Variants in CILP2 observed in about 807,000 individuals in gnomAD.
The protein encoded by CILP2 is cartilage intermediate layer protein 2, also known as CILP-2.
In CILP2, 38 loss-of-function variants were observed where a neutral mutation model predicts 45.6. That is an observed-to-expected ratio of 0.83 (90% CI 0.64 to 1.09). The LOEUF is 1.09. CILP2 is among the 50% of genes least tolerant of loss of function. CILP2 has a pLI of 0.00. For synonymous variants in CILP2, 780 were observed against 723.5 expected, an observed-to-expected ratio of 1.08 and a Z score of -1.25; for missense variants, 1,735 against 1,662.2, an observed-to-expected ratio of 1.04 and a Z score of -0.76.
At position 19,545,266 on chromosome 19, in the gene CILP2, C is replaced by A. The variant is rs750590089; in HGVS notation, c.2721C>A (p.Tyr907Ter). The change falls in exon 8 of 8, where the codon TAC (tyrosine) becomes TAA (stop). Residue 907 changes from tyrosine (Y) to a stop codon, truncating the protein, a stop_gained. Transcript: ENST00000291495. LOFTEE classifies it low-confidence loss of function (END_TRUNC). Reference protein sequence around the residue: ...FRFARVEADKYEYNVVPFREG... With the variant: ...FRFARVEADK Reference sequence around the variant, plus strand: ...TCGCCAGGGTGGAGGCGGACAAGTACGAGTACAACGTGGTCCCCTTCCGAG... The same window carrying A: ...TCGCCAGGGTGGAGGCGGACAAGTAAGAGTACAACGTGGTCCCCTTCCGAG... The A allele has an allele frequency of 1.3e-5, 21 of 1,612,606 alleles. No homozygotes were observed. Among genetic ancestry groups the A allele is most frequent in the Non-Finnish European group, 1.8e-5 (21 of 1,179,776 alleles).
rs1384784877 is a variant in CILP2, at chr19:19,545,431, C to T, written c.2886C>T (p.His962=). Residue 962 remains histidine (H), a synonymous_variant, in exon 8 of 8, where the codon CAC becomes CAT. Transcript: ENST00000291495. ...GCTCCCACAACGCAGGGGGCAGCCACCCACGCACCCGCGGCCAGCTCTACG... is the reference window on the plus strand; with the variant it reads ...GCTCCCACAACGCAGGGGGCAGCCATCCACGCACCCGCGGCCAGCTCTACG... ...MVRSHNAGGS[H]PRTRGQLYGL... 4 of 1,612,496 alleles carry T rather than the reference C, an allele frequency of 2.5e-6. No homozygotes were observed. The highest frequency in any genetic ancestry group is 3.4e-6 in the Non-Finnish European group (4 of 1,179,730).
At position 19,541,087 on chromosome 19, in the gene CILP2, G is replaced by T. The variant is rs775590619; in HGVS notation, c.437-4G>T. 1.7e-5 allele frequency: 21 copies of T among 1,261,442 alleles called. No individual in the cohort carries two copies. Among genetic ancestry groups the T allele is most frequent in the Non-Finnish European group, 2.0e-5 (20 of 1,003,150 alleles). The allele number at this position is 1,261,442 out of a possible 1,614,324, so 78.1% of individuals were successfully genotyped here. ...CACCTGATCTCCGTCCCTGCCTTCC[G>T]CAGAAGCCTCGTGGGGCGCGTGGGG... On this transcript the variant is annotated splice_region_variant and splice_polypyrimidine_tract_variant and intron_variant, in intron 3 of 7. Transcript: ENST00000291495.
intron 1 of CILP2, among the ~76,000 whole-genome samples, chr19:19,538,943 T>C (rs1046355102): frequency 2.0e-5 from 3 of 152,106 alleles, no homozygotes; most frequent in African/African-American, 4.8e-5. Flanking sequence ...CGGACTGTAG[T>C]ACAGGGATGG....
chr19:19,539,692 C>A lies in CILP2; in HGVS notation c.78C>A (p.Thr26=), dbSNP rs1568368579. 6.3e-7 allele frequency: 1 copy of A among 1,591,476 alleles called. No homozygotes were observed. Among genetic ancestry groups the A allele is most frequent in the East Asian group, 2.3e-5 (1 of 42,798 alleles). ...HLAGARDATP[T]EEPMATALGL... The stretch of plus-strand genomic sequence containing the variant: ...CCTCACCCACAGACGCCACCCCCAC[C>A]GAGGAGCCAATGGCGACTGCACTGG... The change falls in exon 2 of 8, where the codon ACC becomes ACA. Residue 26 remains threonine, a synonymous_variant. Coordinates refer to ENST00000291495, the MANE Select transcript of CILP2 (RefSeq NM_153221.2).
At position 19,543,674 on chromosome 19, in the gene CILP2, TCCCCAG is replaced by T; in HGVS notation, c.1136_1141del. Reference sequence around the variant, plus strand: ...TGCCCTGACCTGCATGTTTTCTTTGTCCCCAGCCCCAGGCCAGCCAGCCTGCGACCC... The same window carrying T: ...TGCCCTGACCTGCATGTTTTCTTTGTCCCCAGGCCAGCCAGCCTGCGACCC... On this transcript the variant is annotated splice_acceptor_variant and splice_polypyrimidine_tract_variant and intron_variant, in intron 7 of 7. Transcript: ENST00000291495. LOFTEE classifies it high-confidence loss of function. 6.3e-7 allele frequency: 1 copy of T among 1,581,226 alleles called. No individual in the cohort carries two copies. The highest frequency in any genetic ancestry group is 8.6e-7 in the Non-Finnish European group (1 of 1,161,602).
In CILP2 at chr19:19,545,345, C is replaced by T; in HGVS notation, c.2800C>T (p.Gln934Ter). The change falls in exon 8 of 8, where the codon CAG becomes TAG. Residue 934 changes from glutamine to a stop codon, truncating the protein, a stop_gained. Transcript: ENST00000291495. LOFTEE classifies it low-confidence loss of function (END_TRUNC). ...TCTCCTGGCCTGGTGGCCCAACCCG[C>T]AGGAGTTCCGGGCCTGCTTCCTCAA... ...GDLLAWWPNP[Q>*]EFRACFLKVK... is the part of the protein sequence containing the mutation. 1 of 1,612,470 alleles carries T rather than the reference C, an allele frequency of 6.2e-7. No homozygotes were observed. The highest frequency in any genetic ancestry group is 8.5e-7 in the Non-Finnish European group (1 of 1,179,762).
In CILP2 at chr19:19,544,441, C is replaced by T. The variant is rs1345314513; in HGVS notation, c.1896C>T (p.Gly632=). 1.6e-5 allele frequency: 25 copies of T among 1,609,746 alleles called. No individual in the cohort carries two copies. Among genetic ancestry groups the T allele is most frequent in the Non-Finnish European group, 1.9e-5 (23 of 1,179,698 alleles). ...ACCTGCGCTTCGTGGACAGCGACGG[C>T]GAGCTGGCTCCACTGCGCACCTACG... ...PSDLRFVDSD[G]ELAPLRTYGM... The change falls in exon 8 of 8, where the codon GGC becomes GGT. Residue 632 remains glycine (G), a synonymous_variant. Transcript: ENST00000291495.
intron 4 of CILP2, among the ~76,000 whole-genome samples, chr19:19,541,826 T>G (rs919965039): frequency 3.3e-5 from 5 of 152,142 alleles, no homozygotes; most frequent in Non-Finnish European, 5.9e-5. Flanking sequence ...CGCTAGCGCC[T>G]GGGCTCCACA....
At position 19,542,290 on chromosome 19, in the gene CILP2, G is replaced by T. The variant is rs547509815; in HGVS notation, c.593-85G>T. The T allele has an allele frequency of 4.0e-6, 6 of 1,491,984 alleles. No homozygotes were observed. The East Asian group carries it at 1.1e-4, about 29-fold the overall frequency. The allele number at this position is 1,491,984 out of a possible 1,614,324, so 92.4% of individuals were successfully genotyped here. On this transcript the variant is annotated intron_variant, in intron 4 of 7. Coordinates refer to ENST00000291495, the MANE Select transcript of CILP2 (RefSeq NM_153221.2). ...TTATGGGGGGGCCCCAGGCATATTTGTTGAGTGACTGATTGAATGGAAAGC... is the reference window on the plus strand; with the variant it reads ...TTATGGGGGGGCCCCAGGCATATTTTTTGAGTGACTGATTGAATGGAAAGC...
In CILP2 at chr19:19,544,661, C is replaced by T. The variant is rs910721427; in HGVS notation, c.2116C>T (p.Arg706Trp). ...CCGGCGCGAGGGGTCCTCGGGCCCC[C>T]GGGTGCGCCGGGAGGAGCGCGTCTT... is the stretch of plus-strand genomic sequence containing the variant. The part of the protein sequence containing the change: ...GFRREGSSGP[R>W]VRREERVFLV... Residue 706 changes from arginine to tryptophan, a missense_variant, in exon 8 of 8, where the codon CGG (arginine) becomes TGG (tryptophan). Coordinates refer to ENST00000291495, the MANE Select transcript of CILP2 (RefSeq NM_153221.2). 2.6e-6 allele frequency: 4 copies of T among 1,555,244 alleles called. No individual in the cohort carries two copies. The highest frequency in any genetic ancestry group is 3.5e-6 in the Non-Finnish European group (4 of 1,158,690).
chr19:19,545,090 C>A lies in CILP2; in HGVS notation c.2545C>A (p.His849Asn). 1 of 1,611,048 alleles carries A rather than the reference C, an allele frequency of 6.2e-7. No individual in the cohort carries two copies. The highest frequency in any genetic ancestry group is 8.5e-7 in the Non-Finnish European group (1 of 1,179,318). Residue 849 changes from histidine (H) to asparagine (N), a missense_variant, in exon 8 of 8, where the codon CAC becomes AAC. By Grantham distance (68) the His-to-Asn change is moderately conservative. Coordinates refer to ENST00000291495, the MANE Select transcript of CILP2 (RefSeq NM_153221.2). ...CAGGCTGGGGTACCGTCGGACGGAC[C>A]ACGACGATCCCGCCTTCAAGCGTAA... ...LDRLGYRRTD[H>N]DDPAFKRNGF...
In CILP2 at chr19:19,538,286, C is replaced by A; in HGVS notation, c.-64C>A. On this transcript the variant is annotated 5_prime_UTR_variant, in exon 1 of 8. Coordinates refer to ENST00000291495, the MANE Select transcript of CILP2 (RefSeq NM_153221.2). ...TCTCAGTCCCAGCGGCCGCCAGACC[C>A]GCCGGAGTTGGACCCGAGCACGCCG... 1 of 1,473,862 alleles carries A rather than the reference C, an allele frequency of 6.8e-7. No homozygotes were observed. 91.3% of individuals were successfully genotyped at this position (1,473,862 alleles called of 1,614,324 possible).
At position 19,544,942 on chromosome 19, in the gene CILP2, C is replaced by T. The variant is rs1434663270; in HGVS notation, c.2397C>T (p.Ala799=). Residue 799 remains alanine, a synonymous_variant, in exon 8 of 8, where the codon GCC becomes GCT. Transcript: ENST00000291495. The part of the protein sequence containing the change: ...NGACLPAFCD[A]DRPDAYTALV... ...CCTGCCTCCCCGCCTTCTGCGACGC[C>T]GACAGGCCAGACGCCTACACCGCCC... 1.3e-6 allele frequency: 2 copies of T among 1,594,008 alleles called. No individual in the cohort carries two copies. Among genetic ancestry groups the T allele is most frequent in the African/African-American group, 1.3e-5 (1 of 74,646 alleles).
rs2061236264 is a variant in CILP2 at position 19,539,628 on chromosome 19, C to A, written c.65-51C>A. ...ACCTTGCCTAAAAGGAGGCTCCCAG[C>A]GGTCCCCATCAGTAGCAGCGTGCTT... On this transcript the variant is annotated intron_variant, in intron 1 of 7. Transcript: ENST00000291495. 2.2e-6 allele frequency: 3 copies of A among 1,348,554 alleles called. No individual in the cohort carries two copies. In the South Asian group the frequency reaches 4.4e-5, roughly 20 times the overall value. The allele number at this position is 1,348,554 out of a possible 1,614,324, so 83.5% of individuals were successfully genotyped here. A position where few individuals can be genotyped will look rare whatever the true frequency, so the allele number is the denominator to read the frequency against.
rs755455712 is a variant in CILP2, at chr19:19,543,823, C to T, written c.1278C>T (p.Ser426=). 2 of 1,613,818 alleles carry T rather than the reference C, an allele frequency of 1.2e-6. No homozygotes were observed. Among genetic ancestry groups the T allele is most frequent in the East Asian group, 2.2e-5 (1 of 44,874 alleles). Residue 426 remains serine (S), a synonymous_variant, in exon 8 of 8, where the codon TCC becomes TCT. Coordinates refer to ENST00000291495, the MANE Select transcript of CILP2 (RefSeq NM_153221.2). ...PDTRCPSLAG[S]SPRCGDASSR... The stretch of plus-strand genomic sequence containing the variant: ...CCCGCTGCCCCAGCCTGGCAGGCTC[C>T]AGCCCCCGCTGCGGGGACGCCAGCT...
At chr19:19,541,303 T>G in intron 4 of CILP2, 57 bp downstream of exon 4, 1 of 1,243,396 alleles carries the variant, frequency 8.0e-7, no homozygotes, top group Non-Finnish European at 1.0e-6. Context: ...AAGGGGAGGT[T>G]AGGGGCTGAG....
Position 19,545,651 on chromosome 19 carries a change from C to T in CILP2, c.3106C>T (p.Pro1036Ser). 1 of 1,609,254 alleles carries T rather than the reference C, an allele frequency of 6.2e-7. No individual in the cohort carries two copies. The highest frequency in any genetic ancestry group is 8.5e-7 in the Non-Finnish European group (1 of 1,177,922). ...TCGGGATTACCTGACCCGGCACCCC[C>T]CACCGGTGCCCGCGGAGGACCCAGC... is the stretch of plus-strand genomic sequence containing the variant. ...LLRDYLTRHP[P>S]PVPAEDPAAF... Residue 1036 changes from proline (P) to serine (S), a missense_variant, in exon 8 of 8, where the codon CCA (proline) becomes TCA (serine). Pro to Ser is a moderately conservative substitution (Grantham distance 74, BLOSUM62 -1). Transcript: ENST00000291495.
In CILP2 at chr19:19,544,181, G is replaced by C. The variant is rs1036521885; in HGVS notation, c.1636G>C (p.Gly546Arg). Residue 546 changes from glycine to arginine, a missense_variant, in exon 8 of 8, where the codon GGC becomes CGC. Gly to Arg is a moderately radical substitution (Grantham distance 125). Coordinates refer to ENST00000291495, the MANE Select transcript of CILP2 (RefSeq NM_153221.2). ...RVLPFDPRGA[G>R]VYHEVKAMRK... ...CTTGCCTTTTGATCCTCGAGGTGCC[G>C]GCGTGTACCACGAGGTCAAGGCCAT... 2 of 1,613,598 alleles carry C rather than the reference G, an allele frequency of 1.2e-6. No individual in the cohort carries two copies. The highest frequency in any genetic ancestry group is 8.5e-7 in the Non-Finnish European group (1 of 1,179,816).
rs1473629762 is a variant in CILP2, at chr19:19,538,286, C to T, written c.-64C>T. 1.4e-5 allele frequency: 21 copies of T among 1,473,748 alleles called. No homozygotes were observed. Among genetic ancestry groups the T allele is most frequent in the Admixed American group, 5.9e-5 (3 of 51,178 alleles). The allele number at this position is 1,473,748 out of a possible 1,614,324, so 91.3% of individuals were successfully genotyped here. A position where few individuals can be genotyped will look rare whatever the true frequency, so the allele number is the denominator to read the frequency against. On this transcript the variant is annotated 5_prime_UTR_variant, in exon 1 of 8. Coordinates refer to ENST00000291495, the MANE Select transcript of CILP2 (RefSeq NM_153221.2). Reference sequence around the variant, plus strand: ...TCTCAGTCCCAGCGGCCGCCAGACCCGCCGGAGTTGGACCCGAGCACGCCG... The same window carrying T: ...TCTCAGTCCCAGCGGCCGCCAGACCTGCCGGAGTTGGACCCGAGCACGCCG...
Sources: gnomAD v4.1 joint callset for allele counts (sites outside exome capture counted in the v4.1 genomes callset) on GRCh38, gnomAD v4.1.1 for gene constraint, MANE v1.5 for transcripts, NCBI Gene and HGNC (gene_info 2026-07-23, HGNC 2026-07-21) for gene names.